Variants in ZNF322 observed in about 807,000 individuals in gnomAD.
ZNF322 encodes the protein zinc finger protein 322, also known as HLA complex group 12.
Under a neutral mutation model 18.3 loss-of-function variants are expected in ZNF322, and 1 was observed. The ratio of observed to expected loss-of-function variants is 0.05; its 90% CI spans 0.02 to 0.26. ZNF322 has a LOEUF of 0.26. ZNF322 is among the 10% of genes least tolerant of loss of function. The pLI, the probability that ZNF322 is intolerant of heterozygous loss-of-function variation, is 1.00. For synonymous variants in ZNF322, 17 were observed against 130.7 expected, an observed-to-expected ratio of 0.13 and a Z score of 5.93; for missense variants, 36 against 403.6, an observed-to-expected ratio of 0.09 and a Z score of 7.80.
intron 3 of ZNF322, among the ~76,000 whole-genome samples, chr6:26,640,866 T>C (rs538895075): frequency 6.6e-6 from 1 of 152,298 alleles, no homozygotes; most frequent in South Asian, 2.1e-4. Context: ...TTTCTTAAAT[T>C]ATCAAAAAGG....
At chr6:26,645,589 T>C (rs1363030630) in intron 2 of ZNF322, among the ~76,000 whole-genome samples, 1 of 151,892 alleles carries the variant, frequency 6.6e-6, no homozygotes, top group Non-Finnish European at 1.5e-5. Context: ...TTATGGCAGG[T>C]GAGAATTAAA....
Position 26,655,040 on chromosome 6 carries a change from G to A in ZNF322, c.-246+3518C>T, listed in dbSNP as rs546413034. On this transcript the variant is annotated intron_variant, in intron 2 of 3. Coordinates refer to ENST00000415922, the MANE Select transcript of ZNF322 (RefSeq NM_024639.5). Reference sequence around the variant, plus strand: ...AAATGTCTAAACTGAATCTGATCACGAGGGAACATCAGAAAAACCCAAACT... The same window carrying A: ...AAATGTCTAAACTGAATCTGATCACAAGGGAACATCAGAAAAACCCAAACT... Among the ~76,000 whole-genome samples, 8 of 152,142 alleles carry A rather than the reference G, an allele frequency of 5.3e-5. 1 individual carries two copies. The highest frequency in any genetic ancestry group is 6.8e-3 in the Middle Eastern group (2 of 294).
intron 2 of ZNF322, among the ~76,000 whole-genome samples, chr6:26,652,135 G>C (rs1554149252): frequency 6.6e-6 from 1 of 152,102 alleles, no homozygotes; most frequent in African/African-American, 2.4e-5. Flanking sequence ...TGCCTGTGCT[G>C]GCAATGACTT....
At chr6:26,647,525 T>C (rs1373509056) in intron 2 of ZNF322, among the ~76,000 whole-genome samples, 1 of 152,076 alleles carries the variant, frequency 6.6e-6, no homozygotes, top group African/African-American at 2.4e-5. Context: ...TGAAACCACT[T>C]TGCAAATCTC....
intron 2 of ZNF322, among the ~76,000 whole-genome samples, chr6:26,649,832 T>A (rs1765636223): frequency 6.7e-6 from 1 of 149,578 alleles, no homozygotes; most frequent in Admixed American, 6.7e-5. Context: ...GCCTCCTGAG[T>A]AGCTGGGATT....
intron 3 of ZNF322, among the ~76,000 whole-genome samples, chr6:26,641,798 C>T (rs151258904): frequency 2.0e-3 from 304 of 152,286 alleles, no homozygotes; most frequent in Middle Eastern, 0.01. Context: ...GCCGCAGGGA[C>T]CTCTGCCCAA....
intron 2 of ZNF322, among the ~76,000 whole-genome samples, chr6:26,657,939 A>G (rs1765811772): frequency 1.3e-5 from 2 of 152,228 alleles, no homozygotes; most frequent in East Asian, 2.0e-4. Flanking sequence ...GAACACGACA[A>G]AAGTCCAAGC....
intron 2 of ZNF322, among the ~76,000 whole-genome samples, chr6:26,646,390 A>C (rs1193735997): frequency 2.6e-5 from 4 of 152,188 alleles, no homozygotes; most frequent in African/African-American, 9.7e-5. Flanking sequence ...AAACAGAAAC[A>C]ATAAAAGTAG....
intron 2 of ZNF322, among the ~76,000 whole-genome samples, chr6:26,653,157 TTAAAAGTA>T (rs1554149370): frequency 6.6e-6 from 1 of 152,138 alleles, no homozygotes; most frequent in African/African-American, 2.4e-5. Context: ...AAATAATTTT[TTAAAAGTA>T]CATGAAATAC....
chr6:26,652,756 A>G (rs1298497117), intron 2 of ZNF322, among the ~76,000 whole-genome samples: 2 of 152,128 alleles, frequency 1.3e-5, no homozygotes, highest in Admixed American at 1.3e-4. Context: ...CCCTAATGTA[A>G]CCTATGGAGT....
chr6:26,644,504 T>C (rs1554148552), intron 2 of ZNF322, among the ~76,000 whole-genome samples: 1 of 152,206 alleles, frequency 6.6e-6, no homozygotes, highest in Non-Finnish European at 1.5e-5. Context: ...AGTAAATACA[T>C]GTCACAGATG....
intron 2 of ZNF322, among the ~76,000 whole-genome samples, chr6:26,657,287 A>AAATACTGTT (rs1435084203): frequency 6.6e-6 from 1 of 152,072 alleles, no homozygotes; most frequent in Non-Finnish European, 1.5e-5. Context: ...CCCTAATTTA[A>AAATACTGTT]AATACTGTTT....
rs537396861 is a variant in ZNF322 at position 26,658,806 on chromosome 6, C to G, written c.-334-160G>C. On this transcript the variant is annotated intron_variant, in intron 1 of 3. Transcript: ENST00000415922. The stretch of plus-strand genomic sequence containing the variant: ...TCCCATCTTTGCTTACACTGTTTCT[C>G]CTGCAGGAAGTACCTGCCACTGGTA... 5.2e-5 allele frequency: 8 copies of G among 152,464 alleles called. No individual in the cohort carries two copies. In the East Asian group the frequency reaches 1.5e-3, roughly 29 times the overall value. 9.4% of individuals were successfully genotyped at this position (152,464 alleles called of 1,614,324 possible). A position where few individuals can be genotyped will look rare whatever the true frequency, so the allele number is the denominator to read the frequency against.
At chr6:26,640,513 C>G (rs1554148205) in intron 3 of ZNF322, among the ~76,000 whole-genome samples, 1 of 152,188 alleles carries the variant, frequency 6.6e-6, no homozygotes, top group East Asian at 1.9e-4. Context: ...TCACCTCATT[C>G]ACATCTTTGC....
intron 2 of ZNF322, among the ~76,000 whole-genome samples, chr6:26,644,010 T>C (rs1397936869): frequency 1.3e-5 from 2 of 152,182 alleles, no homozygotes; most frequent in Non-Finnish European, 2.9e-5. Context: ...TAAATCTTGG[T>C]GGTATCTTGA....
At chr6:26,641,671 G>C (rs782766589) in intron 3 of ZNF322, among the ~76,000 whole-genome samples, 4 of 152,222 alleles carry the variant, frequency 2.6e-5, no homozygotes, top group Non-Finnish European at 5.9e-5. Flanking sequence ...AGGTTTAATG[G>C]ATTTAGGGCT....
At chr6:26,655,621 G>C (rs566350202) in intron 2 of ZNF322, among the ~76,000 whole-genome samples, 1 of 152,266 alleles carries the variant, frequency 6.6e-6, no homozygotes, top group Non-Finnish European at 1.5e-5. Context: ...GCTATGCTTT[G>C]AATGTGTCCT....
At chr6:26,649,764 C>T (rs1431141620) in intron 2 of ZNF322, among the ~76,000 whole-genome samples, 3 of 129,640 alleles carry the variant, frequency 2.3e-5, no homozygotes, top group South Asian at 2.6e-4. Context: ...AGTGCAATGG[C>T]GTGATCTTGG....
intron 1 of ZNF322, among the ~76,000 whole-genome samples, chr6:26,659,009 C>T (rs1405948460): frequency 6.6e-6 from 1 of 152,140 alleles, no homozygotes; most frequent in Non-Finnish European, 1.5e-5. Flanking sequence ...CCACTACAAA[C>T]CCCAAAGTGC....
Sources: allele counts gnomAD v4.1 joint callset (sites outside exome capture counted in the v4.1 genomes callset), GRCh38; gene constraint gnomAD v4.1.1; transcripts MANE v1.5; gene names NCBI Gene and HGNC (gene_info 2026-07-23, HGNC 2026-07-21).